ATP8A1: variants seen among roughly 807,000 people sequenced by gnomAD.
ATP8A1 encodes the protein ATPase phospholipid transporting 8A1, also known as phospholipid-transporting ATPase IA.
A neutral mutation model predicts 177.7 loss-of-function variants in ATP8A1; 90 were observed. The observed-to-expected ratio is 0.51, with a 90% CI of 0.43 to 0.60. ATP8A1 has a LOEUF of 0.60. ATP8A1 is among the 20% of genes least tolerant of loss of function. The probability of loss-of-function intolerance (pLI) is 0.00; values close to 1 mark genes in which losing one functional copy is unlikely to be tolerated. For missense variants in ATP8A1, 1,072 were observed against 1,392.8 expected (o/e 0.77, Z 3.67); for synonymous variants, 493 against 485.9 (o/e 1.01, Z -0.19).
At chr4:42,539,720 G>T (rs962645112) in intron 20 of ATP8A1, among the ~76,000 whole-genome samples, 1 of 152,078 alleles carries the variant, frequency 6.6e-6, no homozygotes, top group African/African-American at 2.4e-5. Context: ...AATAAATGGT[G>T]CTGGGAAATC....
intron 33 of ATP8A1, among the ~76,000 whole-genome samples, chr4:42,433,464 C>T (rs1208989144): frequency 6.6e-6 from 1 of 152,148 alleles, no homozygotes; most frequent in East Asian, 1.9e-4. Flanking sequence ...TTTAATTGAA[C>T]TGAATTGGGC....
intron 24 of ATP8A1, among the ~76,000 whole-genome samples, chr4:42,490,245 T>C (rs1722609219): frequency 6.6e-6 from 1 of 152,220 alleles, no homozygotes. Context: ...AACCTCCTAC[T>C]ATGCTTTCTT....
chr4:42,455,527 C>T lies in ATP8A1; in HGVS notation c.2692G>A (p.Val898Met), dbSNP rs151327910. The T allele has an allele frequency of 7.4e-6, 12 of 1,613,428 alleles. No homozygotes were observed. Among genetic ancestry groups the T allele is most frequent in the Non-Finnish European group, 9.3e-6 (11 of 1,179,680 alleles). Residue 898 changes from valine to methionine, a missense_variant and splice_region_variant, in exon 28 of 37, where the codon GTG (valine) becomes ATG (methionine). Val to Met is a conservative substitution (Grantham distance 21, BLOSUM62 1). This residue lies in a region of ATP8A1 where 316 missense variants were observed against 459.1 expected (regional missense o/e 0.69). Transcript: ENST00000381668. ...ATTATCAAATGTCCTAAACTTACCA[C>T]GTTATAGAGACCTATACACCATCTT... ...FERWCIGLYN[V>M]MFTAMPPLTL...
At chr4:42,524,296 A>G (rs187257260) in intron 21 of ATP8A1, among the ~76,000 whole-genome samples, 1 of 152,330 alleles carries the variant, frequency 6.6e-6, no homozygotes, top group African/African-American at 2.4e-5. Context: ...GAGTTGTAAT[A>G]AATTGAATAA....
At chr4:42,639,314 G>A (rs544023760) in intron 1 of ATP8A1, among the ~76,000 whole-genome samples, 6 of 152,162 alleles carry the variant, frequency 3.9e-5, no homozygotes, top group Non-Finnish European at 7.3e-5. Flanking sequence ...TGGAGGAAAG[G>A]TGTTGTAAAA....
chr4:42,563,582 TTCATGGCAGCCCCTCCCA>T, intron 15 of ATP8A1, among the ~76,000 whole-genome samples: 1 of 152,218 alleles, frequency 6.6e-6, no homozygotes, highest in Non-Finnish European at 1.5e-5. Flanking sequence ...GTCAGAGGTC[TTCATGGCAGCCCCTCCCA>T]TCACAGGTCC....
intron 33 of ATP8A1, among the ~76,000 whole-genome samples, chr4:42,435,783 T>C (rs1379436289): frequency 6.6e-6 from 1 of 152,246 alleles, no homozygotes; most frequent in Admixed American, 6.5e-5. Flanking sequence ...TATTCATTCC[T>C]GCATCATGTG....
chr4:42,518,848 G>C (rs539783684), intron 22 of ATP8A1, among the ~76,000 whole-genome samples: 3 of 152,306 alleles, frequency 2.0e-5, no homozygotes, highest in Admixed American at 6.5e-5. Context: ...CATTCTGGAA[G>C]AATCTGTGGT....
intron 24 of ATP8A1, among the ~76,000 whole-genome samples, chr4:42,489,398 A>G (rs2153190080): frequency 6.6e-6 from 1 of 152,238 alleles, no homozygotes; most frequent in East Asian, 1.9e-4. Flanking sequence ...AAAATTCTCT[A>G]AATTCGTGAC....
chr4:42,503,674 C>G (rs1273184335), intron 23 of ATP8A1, among the ~76,000 whole-genome samples, 160 bp from the exon 24 acceptor site: 2 of 152,182 alleles, frequency 1.3e-5, no homozygotes, highest in Non-Finnish European at 2.9e-5. Context: ...ACATGAAATG[C>G]TCTTGCTTGC....
chr4:42,624,486 A>T, intron 4 of ATP8A1, 50 bp downstream of exon 4: 1 of 990,410 alleles, frequency 1.0e-6, no homozygotes, highest in Non-Finnish European at 1.5e-6. Context: ...TATTTAAAGC[A>T]TATATAAATA....
intron 15 of ATP8A1, among the ~76,000 whole-genome samples, chr4:42,568,698 T>C (rs1229081576): frequency 6.6e-6 from 1 of 152,218 alleles, no homozygotes; most frequent in East Asian, 1.9e-4. Context: ...CTTCATAGCC[T>C]GCACACAGAC....
At chr4:42,444,746 A>G (rs746876156) in intron 31 of ATP8A1, 112 bp from the exon 32 acceptor site, 4 of 1,086,104 alleles carry the variant, frequency 3.7e-6, no homozygotes, top group Non-Finnish European at 5.4e-6. Context: ...GGACTAGGAG[A>G]CTGCTGCTTG....
intron 27 of ATP8A1, among the ~76,000 whole-genome samples, chr4:42,457,466 A>C (rs1291342143): frequency 2.0e-5 from 3 of 152,238 alleles, no homozygotes; most frequent in Admixed American, 1.3e-4. Context: ...AGGAATTTCA[A>C]AACAAACTTC....
intron 27 of ATP8A1, among the ~76,000 whole-genome samples, chr4:42,462,592 G>A (rs1396147970): frequency 1.3e-5 from 2 of 152,242 alleles, no homozygotes; most frequent in African/African-American, 4.8e-5. Context: ...TGCTGCAGGG[G>A]CAGGGCTCTC....
chr4:42,493,836 T>C (rs1040200189), intron 24 of ATP8A1, among the ~76,000 whole-genome samples: 3 of 152,216 alleles, frequency 2.0e-5, no homozygotes, highest in South Asian at 2.1e-4. Context: ...CCCTGTCCAG[T>C]GCCTGGCATG....
Position 42,470,475 on chromosome 4 carries a change from T to C in ATP8A1, c.2325-5399A>G, listed in dbSNP as rs146145301. Reference sequence around the variant, plus strand: ...AATATGAAGAATATATGTACATATATATAATAGATGTATAATAAAGGATAA... The same window carrying C: ...AATATGAAGAATATATGTACATATACATAATAGATGTATAATAAAGGATAA... On this transcript the variant is annotated intron_variant, in intron 25 of 36. Coordinates refer to ENST00000381668, the MANE Select transcript of ATP8A1 (RefSeq NM_006095.2). Among the ~76,000 whole-genome samples the C allele has an allele frequency of 5.6e-3, 856 of 152,272 alleles. 9 individuals carry two copies. Among genetic ancestry groups the C allele is most frequent in the African/African-American group, 0.019 (772 of 41,554 alleles).
At chr4:42,585,377 A>T (rs1287091018) in intron 9 of ATP8A1, among the ~76,000 whole-genome samples, 2 of 151,532 alleles carry the variant, frequency 1.3e-5, no homozygotes, top group Non-Finnish European at 2.9e-5. Context: ...ACAAGGTGCT[A>T]TGGTCTGAAA....
intron 33 of ATP8A1, among the ~76,000 whole-genome samples, chr4:42,426,040 G>C (rs571065382): frequency 2.6e-5 from 4 of 152,294 alleles, no homozygotes; most frequent in Non-Finnish European, 4.4e-5. Context: ...ATAAACCAAC[G>C]CTGCCTGAAA....
Sources: allele counts gnomAD v4.1 joint callset (sites outside exome capture counted in the v4.1 genomes callset), GRCh38; gene constraint gnomAD v4.1.1; regional missense constraint gnomAD v4.1.1; transcripts MANE v1.5; gene names NCBI Gene and HGNC (gene_info 2026-07-23, HGNC 2026-07-21).